CACNA2D2: variants seen among roughly 807,000 people sequenced by gnomAD.
CACNA2D2 encodes the protein voltage-dependent calcium channel subunit alpha-2/delta-2.
In CACNA2D2, 48 loss-of-function variants were observed where a neutral mutation model predicts 166.4. The observed-to-expected ratio is 0.29, with a 90% CI of 0.23 to 0.37. The LOEUF (loss-of-function observed/expected upper bound fraction) is 0.37. Among genes scored for constraint, CACNA2D2 ranks in the 10% least tolerant of loss-of-function variants. The probability of loss-of-function intolerance (pLI) is 1.00; values close to 1 mark genes in which losing one functional copy is unlikely to be tolerated. For synonymous variants in CACNA2D2, 561 were observed against 573.7 expected (o/e 0.98, Z 0.32); for missense variants, 1,122 against 1,433.0 (o/e 0.78, Z 3.50).
intron 3 of CACNA2D2, among the ~76,000 whole-genome samples, chr3:50,398,277 C>A (rs1216295974): frequency 6.6e-6 from 1 of 152,148 alleles, no homozygotes; most frequent in Non-Finnish European, 1.5e-5. Flanking sequence ...GAGGTGCCTG[C>A]AGTCTCTGGT....
At chr3:50,443,894 G>C (rs545124049) in intron 2 of CACNA2D2, among the ~76,000 whole-genome samples, 21 of 152,340 alleles carry the variant, frequency 1.4e-4, no homozygotes, top group African/African-American at 2.9e-4. Context: ...GGCCAGGGGG[G>C]ACTCCCAATC....
rs587759049 is a variant in CACNA2D2, at chr3:50,382,314, C to T, written c.653-1188G>A. Among the ~76,000 whole-genome samples, 6 of 152,294 alleles carry T rather than the reference C, an allele frequency of 3.9e-5. No homozygotes were observed. In the South Asian group the frequency reaches 1.2e-3, roughly 32 times the overall value. Reference sequence around the variant, plus strand: ...GCCACCGTCACCCCGTACAGGGATCCCCATCAAAAATCTACCTCAAGTGAG... The same window carrying T: ...GCCACCGTCACCCCGTACAGGGATCTCCATCAAAAATCTACCTCAAGTGAG... On this transcript the variant is annotated intron_variant, in intron 6 of 37. Coordinates refer to ENST00000424201, the MANE Select transcript of CACNA2D2 (RefSeq NM_006030.4).
chr3:50,417,635 G>A (rs1707325787), intron 3 of CACNA2D2, among the ~76,000 whole-genome samples: 2 of 152,016 alleles, frequency 1.3e-5, no homozygotes, highest in African/African-American at 4.8e-5. Flanking sequence ...AGGAAGGCAT[G>A]CCTCCTCCTC....
intron 2 of CACNA2D2, among the ~76,000 whole-genome samples, chr3:50,469,891 G>A (rs1169352084): frequency 6.6e-6 from 1 of 152,050 alleles, no homozygotes; most frequent in East Asian, 1.9e-4. Context: ...ACTCCAAGCT[G>A]TTCCCCATCC....
At chr3:50,390,923 C>A (rs929146661) in intron 4 of CACNA2D2, among the ~76,000 whole-genome samples, 3 of 152,250 alleles carry the variant, frequency 2.0e-5, no homozygotes, top group Admixed American at 1.3e-4. Context: ...GCTGCCTGTG[C>A]AGGCCTAGGC....
chr3:50,485,030 G>A (rs1698220348), intron 1 of CACNA2D2, among the ~76,000 whole-genome samples: 1 of 152,230 alleles, frequency 6.6e-6, no homozygotes, highest in Non-Finnish European at 1.5e-5. Context: ...CGTTTATGAT[G>A]GGCCCGCCCA....
At position 50,482,766 on chromosome 3, in the gene CACNA2D2, G is replaced by A. The variant is rs369030607; in HGVS notation, c.207-6567C>T. 1.6e-3 allele frequency among the ~76,000 whole-genome samples: 241 copies of A among 152,338 alleles called. 9 individuals are homozygous for A. The South Asian group carries it at 0.049, about 31-fold the overall frequency. ...GACCCAATGCAGCAGAGACCTGGTG[G>A]GGTGCCTTGTCCAAGGAGCCCTGGG... is the stretch of plus-strand genomic sequence containing the variant. On this transcript the variant is annotated intron_variant, in intron 1 of 37. Transcript: ENST00000424201.
intron 5 of CACNA2D2, among the ~76,000 whole-genome samples, chr3:50,386,806 G>T (rs143094190): frequency 6.6e-6 from 1 of 152,334 alleles, no homozygotes; most frequent in African/African-American, 2.4e-5. Context: ...TTACAGAGGG[G>T]ACTGTTGGGT....
intron 3 of CACNA2D2, among the ~76,000 whole-genome samples, chr3:50,401,335 A>G (rs1417581021): frequency 6.6e-6 from 1 of 152,198 alleles, no homozygotes; most frequent in Non-Finnish European, 1.5e-5. Flanking sequence ...CTCCCTCTGC[A>G]GCAGGGCAGC....
chr3:50,420,626 G>A (rs1707506840), intron 3 of CACNA2D2, among the ~76,000 whole-genome samples: 1 of 152,174 alleles, frequency 6.6e-6, no homozygotes, highest in African/African-American at 2.4e-5. Flanking sequence ...GGTGGAGAGT[G>A]GGAGGGTGTG....
At chr3:50,468,950 T>A (rs929989984) in intron 2 of CACNA2D2, among the ~76,000 whole-genome samples, 13 of 151,378 alleles carry the variant, frequency 8.6e-5, no homozygotes, top group Non-Finnish European at 1.8e-4. Context: ...TGCCTCAGCA[T>A]CCCAAGTAGC....
intron 1 of CACNA2D2, among the ~76,000 whole-genome samples, chr3:50,484,407 C>G (rs918907115): frequency 1.3e-5 from 2 of 152,196 alleles, no homozygotes; most frequent in Admixed American, 1.3e-4. Context: ...CATGTCCCTC[C>G]TCTGTCAACT....
intron 2 of CACNA2D2, among the ~76,000 whole-genome samples, chr3:50,435,342 A>C (rs866619229): frequency 6.6e-6 from 1 of 151,858 alleles, no homozygotes; most frequent in Non-Finnish European, 1.5e-5. Context: ...TGCATCACAT[A>C]CTGCTGCATG....
chr3:50,406,338 A>C (rs542611338), intron 3 of CACNA2D2, among the ~76,000 whole-genome samples: 1 of 151,710 alleles, frequency 6.6e-6, no homozygotes, highest in Non-Finnish European at 1.5e-5. Flanking sequence ...AAAAAGCACC[A>C]AGCAAGCCCC....
At position 50,377,557 on chromosome 3, in the gene CACNA2D2, T is replaced by TG. The variant is rs745581345; in HGVS notation, c.1552-17dup. ...TCAGCTGGTTCTGGGAGCAGAAGCA[T>TG]GGGGGGCTCCTCAGTGAGCTCAATT... On this transcript the variant is annotated splice_polypyrimidine_tract_variant and intron_variant, in intron 16 of 37. Transcript: ENST00000424201. The TG allele has an allele frequency of 2.2e-5, 35 of 1,611,720 alleles. No homozygotes were observed. Among genetic ancestry groups the TG allele is most frequent in the Admixed American group, 2.0e-4 (12 of 59,992 alleles).
rs897464969 is a variant in CACNA2D2, at chr3:50,378,242, G to C, written c.1389+42C>G. On this transcript the variant is annotated intron_variant, in intron 14 of 37. Transcript: ENST00000424201. ...GCCCATGGCACACAGCGTCCCTGCA[G>C]GGAAGCCAGGGGCTGGGAGGAGGGG... The C allele has an allele frequency of 3.9e-6, 6 of 1,554,772 alleles. No homozygotes were observed. In the Admixed American group the frequency reaches 5.8e-5, roughly 15 times the overall value.
At position 50,434,467 on chromosome 3, in the gene CACNA2D2, T is replaced by C. The variant is rs1393278934; in HGVS notation, c.289-38A>G. The C allele has an allele frequency of 4.1e-6, 6 of 1,468,420 alleles. No individual in the cohort carries two copies. The Admixed American group carries it at 1.0e-4, about 25-fold the overall frequency. 91.0% of individuals were successfully genotyped at this position (1,468,420 alleles called of 1,614,324 possible). A position where few individuals can be genotyped will look rare whatever the true frequency, so the allele number is the denominator to read the frequency against. The stretch of plus-strand genomic sequence containing the variant: ...AGAAGCCAGGGGTGAGACCAGGTGG[T>C]CCCACGTCCTCATGCCATGGGCCCT... On this transcript the variant is annotated intron_variant, in intron 2 of 37. Coordinates refer to ENST00000424201, the MANE Select transcript of CACNA2D2 (RefSeq NM_006030.4).
chr3:50,364,373 C>A lies in CACNA2D2; in HGVS notation c.*293G>T. 1 of 395,288 alleles carries A rather than the reference C, an allele frequency of 2.5e-6. No individual in the cohort carries two copies. The highest frequency in any genetic ancestry group is 4.5e-6 in the Non-Finnish European group (1 of 221,878). The allele number at this position is 395,288 out of a possible 1,614,324, so 24.5% of individuals were successfully genotyped here. On this transcript the variant is annotated 3_prime_UTR_variant, in exon 38 of 38. Transcript: ENST00000424201. The stretch of plus-strand genomic sequence containing the variant: ...GGCAGCAGAGGCCTGGTTTTGGCAC[C>A]AGTGCGTGTGGCCTCCCTGTCCCAT...
intron 3 of CACNA2D2, among the ~76,000 whole-genome samples, chr3:50,411,692 G>A (rs1364340764): frequency 6.6e-6 from 1 of 152,168 alleles, no homozygotes; most frequent in Non-Finnish European, 1.5e-5. Flanking sequence ...CACAAACCTG[G>A]CAGAAGGAGA....
Sources: gnomAD v4.1 joint callset for allele counts (sites outside exome capture counted in the v4.1 genomes callset) on GRCh38, gnomAD v4.1.1 for gene constraint, MANE v1.5 for transcripts, NCBI Gene and HGNC (gene_info 2026-07-23, HGNC 2026-07-21) for gene names.